ZNF37A: variants seen among roughly 807,000 people sequenced by gnomAD.
ZNF37A encodes the protein zinc finger protein 37a (KOX 21).
Under a neutral mutation model 12.3 loss-of-function variants are expected in ZNF37A, and 10 were observed. The observed-to-expected ratio is 0.82, with a 90% CI of 0.50 to 1.38. The LOEUF is 1.38. ZNF37A is among the 40% of genes most tolerant of loss of function. The pLI, the probability that ZNF37A is intolerant of heterozygous loss-of-function variation, is 0.00. For synonymous variants in ZNF37A, 207 were observed against 223.0 expected (o/e 0.93, Z 0.64); for missense variants, 580 against 651.2 (o/e 0.89, Z 1.19).
chr10:38,117,602 T>A lies in ZNF37A; in HGVS notation c.451T>A (p.Cys151Ser). The A allele has an allele frequency of 6.2e-7, 1 of 1,613,844 alleles. No homozygotes were observed. Among genetic ancestry groups the A allele is most frequent in the South Asian group, 1.1e-5 (1 of 91,006 alleles). Residue 151 changes from cysteine (C) to serine (S), a missense_variant, in exon 8 of 8, where the codon TGT (cysteine) becomes AGT (serine). By Grantham distance (112) the Cys-to-Ser change is moderately radical. Transcript: ENST00000685332. ...GGAACAATCTTTTGAATACAATGAA[T>A]GTGGGAAAGCTTTCCCTGAGAATTC... ...NWEQSFEYNE[C>S]GKAFPENSLF...
rs768161470 is a variant in ZNF37A, at chr10:38,118,034, G to C, written c.883G>C (p.Gly295Arg). ...AHTRHQRTHTGGKPYECHECG... is the reference protein window; with the variant it reads ...AHTRHQRTHTRGKPYECHECG... The stretch of plus-strand genomic sequence containing the variant: ...CACAAGACATCAGAGAACACACACA[G>C]GGGGAAAACCCTATGAATGTCATGA... Residue 295 changes from glycine to arginine, a missense_variant, in exon 8 of 8, where the codon GGG becomes CGG. Physicochemically the swap from Gly to Arg is moderately radical, Grantham distance 125. Coordinates refer to ENST00000685332, the MANE Select transcript of ZNF37A (RefSeq NM_001324250.3). 4 of 1,613,724 alleles carry C rather than the reference G, an allele frequency of 2.5e-6. No homozygotes were observed. In the African/African-American group the frequency reaches 5.3e-5, roughly 22 times the overall value.
At chr10:38,134,829 A>C (rs1174290327) in intron 7 of ZNF37A, among the ~76,000 whole-genome samples, 2 of 152,234 alleles carry the variant, frequency 1.3e-5, no homozygotes, top group African/African-American at 2.4e-5. Flanking sequence ...GCTGTCAGAC[A>C]GGGACATTTT....
downstream of ZNF37A, among the ~76,000 whole-genome samples, chr10:38,126,929 CTAA>C (rs1271254089): frequency 2.0e-5 from 3 of 152,184 alleles, no homozygotes; most frequent in Non-Finnish European, 4.4e-5. Flanking sequence ...AGAGCTCTAC[CTAA>C]TAATGAGCTA....
intron 7 of ZNF37A, chr10:38,140,696 G>A (rs1324883626): frequency 1.3e-5 from 2 of 152,144 alleles, no homozygotes; most frequent in African/African-American, 2.4e-5. Context: ...TAAGCAATGA[G>A]CATAAATCTT....
Position 38,117,842 on chromosome 10 carries a change from A to T in ZNF37A, c.691A>T (p.Thr231Ser). ...VYPFSQKLNL[T>S]PIQRTHSINN... ...CCCATTCAGCCAGAAGTTAAATCTC[A>T]CTCCAATTCAGAGAACCCACTCAAT... The change falls in exon 8 of 8, where the codon ACT becomes TCT. Residue 231 changes from threonine (T) to serine (S), a missense_variant. Physicochemically the swap from Thr to Ser is moderately conservative, Grantham distance 58. Transcript: ENST00000685332. 1 of 1,613,888 alleles carries T rather than the reference A, an allele frequency of 6.2e-7. No individual in the cohort carries two copies. The highest frequency in any genetic ancestry group is 8.5e-7 in the Non-Finnish European group (1 of 1,179,896).
chr10:38,119,391 C>T lies in ZNF37A; in HGVS notation c.*554C>T, dbSNP rs975129740. The stretch of plus-strand genomic sequence containing the variant: ...CAAACTGTAGGAAACTATAGGAAAG[C>T]ATTTACTATGAGGTTATATTTTATG... On this transcript the variant is annotated 3_prime_UTR_variant, in exon 8 of 8. Coordinates refer to ENST00000685332, the MANE Select transcript of ZNF37A (RefSeq NM_001324250.3). 1.5e-5 allele frequency: 15 copies of T among 991,802 alleles called. No homozygotes were observed. Among genetic ancestry groups the T allele is most frequent in the African/African-American group, 8.7e-5 (5 of 57,210 alleles). The allele number at this position is 991,802 out of a possible 1,614,324, so 61.4% of individuals were successfully genotyped here.
intron 5 of ZNF37A, among the ~76,000 whole-genome samples, chr10:38,105,037 C>T (rs1256403447): frequency 1.4e-5 from 2 of 138,538 alleles, no homozygotes; most frequent in African/African-American, 5.4e-5. Context: ...TGGAGTTTTG[C>T]TCTTGGTGCC....
At chr10:38,115,331 A>G in intron 7 of ZNF37A, 41 bp downstream of exon 7, 1 of 1,599,152 alleles carries the variant, frequency 6.3e-7, no homozygotes, top group Non-Finnish European at 8.5e-7. Context: ...AGGAAGGTAG[A>G]TCACAAAGGG....
rs1564377513 is a variant in ZNF37A at position 38,120,573 on chromosome 10, A to T, written c.*1736A>T. ...AGAAGCAAAGAGGACTAAAGGGCAAAATTCTAGAGAGTGGTAAATCTCAGA... is the reference window on the plus strand; with the variant it reads ...AGAAGCAAAGAGGACTAAAGGGCAATATTCTAGAGAGTGGTAAATCTCAGA... On this transcript the variant is annotated 3_prime_UTR_variant, in exon 8 of 8. Transcript: ENST00000685332. 1.3e-5 allele frequency: 2 copies of T among 152,190 alleles called. No individual in the cohort carries two copies. The highest frequency in any genetic ancestry group is 2.9e-5 in the Non-Finnish European group (2 of 68,030). 9.4% of individuals were successfully genotyped at this position (152,190 alleles called of 1,614,324 possible).
chr10:38,118,051 A>C lies in ZNF37A; in HGVS notation c.900A>C (p.Glu300Asp). The C allele has an allele frequency of 6.2e-7, 1 of 1,614,138 alleles. No individual in the cohort carries two copies. The highest frequency in any genetic ancestry group is 8.5e-7 in the Non-Finnish European group (1 of 1,180,004). Residue 300 changes from glutamate (E) to aspartate (D), a missense_variant, in exon 8 of 8, where the codon GAA becomes GAC. Physicochemically the swap from Glu to Asp is conservative, Grantham distance 45. Coordinates refer to ENST00000685332, the MANE Select transcript of ZNF37A (RefSeq NM_001324250.3). Reference sequence around the variant, plus strand: ...CACACACAGGGGGAAAACCCTATGAATGTCATGAATGTGGGAAGACCTTCT... The same window carrying C: ...CACACACAGGGGGAAAACCCTATGACTGTCATGAATGTGGGAAGACCTTCT... ...QRTHTGGKPY[E>D]CHECGKTFYK...
At chr10:38,143,145 T>C (rs2070206606) in intron 7 of ZNF37A, 1 of 152,178 alleles carries the variant, frequency 6.6e-6, no homozygotes, top group Non-Finnish European at 1.5e-5. Context: ...GCACAGGCTG[T>C]AGGAGTTCTT....
Position 38,119,263 on chromosome 10 carries a change from G to C in ZNF37A, c.*426G>C. ...TGGGAAAACCTTTCATCAGAAGTCA[G>C]CTCTAATTGTTCACCACAGAACTCA... On this transcript the variant is annotated 3_prime_UTR_variant, in exon 8 of 8. Coordinates refer to ENST00000685332, the MANE Select transcript of ZNF37A (RefSeq NM_001324250.3). 7.6e-6 allele frequency: 8 copies of C among 1,049,628 alleles called. No homozygotes were observed. Among genetic ancestry groups the C allele is most frequent in the Non-Finnish European group, 8.2e-6 (7 of 857,236 alleles). The allele number at this position is 1,049,628 out of a possible 1,614,324, so 65.0% of individuals were successfully genotyped here.
exon 8 of ZNF37A, chr10:38,148,378 C>T (rs2070280444): frequency 6.6e-6 from 1 of 152,204 alleles, no homozygotes; most frequent in African/African-American, 2.4e-5. Context: ...CCAGATTTCA[C>T]ATGGAGAATT....
At chr10:38,128,728 G>C (rs2069964312), downstream of ZNF37A, among the ~76,000 whole-genome samples, 1 of 152,166 alleles carries the variant, frequency 6.6e-6, no homozygotes, top group Non-Finnish European at 1.5e-5. Flanking sequence ...TTCACGTCCA[G>C]TGGGCATGAA....
intron 5 of ZNF37A, among the ~76,000 whole-genome samples, chr10:38,104,301 G>A (rs781705829): frequency 9.2e-5 from 14 of 152,228 alleles, no homozygotes; most frequent in East Asian, 3.9e-4. Context: ...CAGAGAGCCC[G>A]CATAGACAGA....
chr10:38,134,066 C>T (rs750353234), intron 7 of ZNF37A, among the ~76,000 whole-genome samples: 1 of 152,208 alleles, frequency 6.6e-6, no homozygotes. Flanking sequence ...CTTTCTTCCA[C>T]TTGATCGAAT....
intron 5 of ZNF37A, among the ~76,000 whole-genome samples, chr10:38,105,059 GC>G (rs926837559): frequency 2.0e-5 from 3 of 148,412 alleles, no homozygotes; most frequent in African/African-American, 7.5e-5. Flanking sequence ...AGGCTGGAAT[GC>G]AATGGCATGA....
intron 5 of ZNF37A, among the ~76,000 whole-genome samples, chr10:38,113,136 A>G (rs939781719): frequency 1.4e-5 from 2 of 138,522 alleles, no homozygotes; most frequent in Admixed American, 7.1e-5. Flanking sequence ...TTCAGAGAGT[A>G]TTTGTTTTGT....
intron 7 of ZNF37A, chr10:38,117,165 A>G: frequency 1.0e-6 from 1 of 984,782 alleles, no homozygotes; most frequent in Non-Finnish European, 1.2e-6. Flanking sequence ...ACCACACAGA[A>G]TTGGAGCCTG....
Sources: gnomAD v4.1 joint callset for allele counts (sites outside exome capture counted in the v4.1 genomes callset) on GRCh38, gnomAD v4.1.1 for gene constraint, MANE v1.5 for transcripts, NCBI Gene and HGNC (gene_info 2026-07-23, HGNC 2026-07-21) for gene names.